Variants in PIEZO2 observed in about 807,000 individuals in gnomAD.
PIEZO2 encodes piezo-type mechanosensitive ion channel component 2.
In PIEZO2, 172 loss-of-function variants were observed where a neutral mutation model predicts 337.3. That is an observed-to-expected ratio of 0.51 (90% CI 0.45 to 0.58). The LOEUF (loss-of-function observed/expected upper bound fraction) is 0.58. Ranked by LOEUF, PIEZO2 falls within the 20% of genes least tolerant of loss-of-function variation. The pLI, the probability that PIEZO2 is intolerant of heterozygous loss-of-function variation, is 0.00. For synonymous variants in PIEZO2, 1,251 were observed against 1,228.5 expected (o/e 1.02, Z -0.38); for missense variants, 3,028 against 3,391.3 (o/e 0.89, Z 2.66).
chr18:11,007,995 T>C (rs189176630), intron 2 of PIEZO2, among the ~76,000 whole-genome samples: 52 of 152,318 alleles, frequency 3.4e-4, no homozygotes, highest in Non-Finnish European at 6.2e-4. Context: ...GGCAGAGTCC[T>C]ACTGGCTTCC....
intron 7 of PIEZO2, among the ~76,000 whole-genome samples, chr18:10,848,115 A>G (rs934157626): frequency 7.9e-5 from 12 of 152,216 alleles, no homozygotes; most frequent in African/African-American, 2.7e-4. Context: ...GCAAAAGTAC[A>G]TTCATTTCAA....
intron 4 of PIEZO2, among the ~76,000 whole-genome samples, chr18:10,896,724 C>T (rs1276760696): frequency 6.6e-6 from 1 of 152,160 alleles, no homozygotes; most frequent in Admixed American, 6.5e-5. Flanking sequence ...GAGTGACACC[C>T]TCTCAGGTCT....
chr18:11,017,290 T>C (rs969215345), intron 2 of PIEZO2, among the ~76,000 whole-genome samples: 3 of 152,204 alleles, frequency 2.0e-5, no homozygotes, highest in East Asian at 1.9e-4. Flanking sequence ...TTAATGGTAA[T>C]GTAGAAAACT....
At chr18:10,911,941 T>C (rs998929186) in intron 3 of PIEZO2, among the ~76,000 whole-genome samples, 3 of 152,194 alleles carry the variant, frequency 2.0e-5, no homozygotes, top group African/African-American at 7.2e-5. Context: ...CTGTACGTTC[T>C]AAAATTCAAC....
chr18:11,001,970 C>G lies in PIEZO2; in HGVS notation c.161-22310G>C, dbSNP rs1298187894. On this transcript the variant is annotated intron_variant, in intron 2 of 55. Transcript: ENST00000674853. This position sits in a 1 kb window ranked among gnomAD's most constrained non-coding sequence, Gnocchi z 5.3. ...GGAAGAAAAAAAGACTTGGAAGGAGCCAAAACTTGCAGCAAAGTTGGAAAT... is the reference window on the plus strand; with the variant it reads ...GGAAGAAAAAAAGACTTGGAAGGAGGCAAAACTTGCAGCAAAGTTGGAAAT... Among the ~76,000 whole-genome samples the G allele has an allele frequency of 6.8e-6, 1 of 147,152 alleles. No individual in the cohort carries two copies. Among genetic ancestry groups the G allele is most frequent in the Non-Finnish European group, 1.5e-5 (1 of 67,108 alleles).
In PIEZO2 at chr18:11,097,101, TG is replaced by T. The variant is rs1321614419; in HGVS notation, c.65-30880del. 2.0e-5 allele frequency among the ~76,000 whole-genome samples: 3 copies of T among 152,190 alleles called. No individual in the cohort carries two copies. Among genetic ancestry groups the T allele is most frequent in the Non-Finnish European group, 2.9e-5 (2 of 68,030 alleles). ...ATACAAGGCAATTTCATCCTCTCCT[TG>T]GAAATTGTCCCTGCTCCATTTTCGG... On this transcript the variant is annotated intron_variant, in intron 1 of 55. Coordinates refer to ENST00000674853, the MANE Select transcript of PIEZO2 (RefSeq NM_001378183.1). This position sits in a 1 kb window ranked among gnomAD's most constrained non-coding sequence, Gnocchi z 5.0.
chr18:10,698,673 G>A (rs1049289410), intron 44 of PIEZO2, among the ~76,000 whole-genome samples: 2 of 152,220 alleles, frequency 1.3e-5, no homozygotes, highest in African/African-American at 4.8e-5. Flanking sequence ...AAGGCAGTGT[G>A]CCGGCCATTT....
At chr18:11,046,429 G>A (rs2037317222) in intron 2 of PIEZO2, among the ~76,000 whole-genome samples, 1 of 152,220 alleles carries the variant, frequency 6.6e-6, no homozygotes, top group African/African-American at 2.4e-5. Flanking sequence ...TGTTGAATGA[G>A]CCGGGGGATA....
At chr18:10,887,169 A>C (rs2042632001) in intron 4 of PIEZO2, among the ~76,000 whole-genome samples, 1 of 145,576 alleles carries the variant, frequency 6.9e-6, no homozygotes, top group Admixed American at 7.3e-5. Flanking sequence ...TCCTGGGTTC[A>C]AGCGATCCTC....
intron 4 of PIEZO2, among the ~76,000 whole-genome samples, chr18:10,887,024 AAG>A: frequency 6.6e-6 from 1 of 150,884 alleles, no homozygotes; most frequent in African/African-American, 2.4e-5. Flanking sequence ...GAGCAGGAGC[AAG>A]AGAGACGGAG....
rs1472853056 is a variant in PIEZO2 at position 10,724,645 on chromosome 18, T to TA, written c.5030-6387dup. 5 of 747,584 alleles carry TA rather than the reference T, an allele frequency of 6.7e-6. No individual in the cohort carries two copies. In the African/African-American group the frequency reaches 7.0e-5, roughly 10 times the overall value. The allele number at this position is 747,584 out of a possible 1,614,324, so 46.3% of individuals were successfully genotyped here. On this transcript the variant is annotated intron_variant, in intron 36 of 55. Coordinates refer to ENST00000674853, the MANE Select transcript of PIEZO2 (RefSeq NM_001378183.1). The surrounding 1 kb of genome is among the most constrained non-coding windows in gnomAD (Gnocchi z 5.8). ...GGTGCTGGACTCGGGGTCTCAGGCGTATGATCAGGCACCCACCAGCCCACC... is the reference window on the plus strand; with the variant it reads ...GGTGCTGGACTCGGGGTCTCAGGCGTAATGATCAGGCACCCACCAGCCCACC...
At chr18:10,674,146 G>T (rs562666862) in intron 54 of PIEZO2, among the ~76,000 whole-genome samples, 1 of 152,282 alleles carries the variant, frequency 6.6e-6, no homozygotes, top group East Asian at 1.9e-4. Context: ...TCCTTATCAA[G>T]GAAGAAGGTG....
intron 7 of PIEZO2, among the ~76,000 whole-genome samples, chr18:10,827,766 C>G (rs1349445573): frequency 6.6e-6 from 1 of 152,218 alleles, no homozygotes; most frequent in Non-Finnish European, 1.5e-5. Flanking sequence ...GACAAGATCA[C>G]AGCCACATAT....
At chr18:10,948,076 T>C (rs1483820632) in intron 3 of PIEZO2, among the ~76,000 whole-genome samples, 1 of 152,128 alleles carries the variant, frequency 6.6e-6, no homozygotes, top group Non-Finnish European at 1.5e-5. Context: ...TTTAAACATA[T>C]CAATTATCAC....
At chr18:11,050,435 T>C (rs1158315271) in intron 2 of PIEZO2, among the ~76,000 whole-genome samples, 1 of 152,042 alleles carries the variant, frequency 6.6e-6, no homozygotes, top group East Asian at 1.9e-4. Flanking sequence ...AAATGGGGCA[T>C]CGTTTTTCTT....
intron 2 of PIEZO2, among the ~76,000 whole-genome samples, chr18:11,055,934 G>A (rs2145872474): frequency 6.6e-6 from 1 of 152,340 alleles, no homozygotes; most frequent in South Asian, 2.1e-4. Flanking sequence ...AGCTCCATCA[G>A]GGACAAAGGT....
Position 11,101,384 on chromosome 18 carries a change from G to A in PIEZO2, c.65-35162C>T, listed in dbSNP as rs181228245. 1.1e-4 allele frequency among the ~76,000 whole-genome samples: 17 copies of A among 152,320 alleles called. No homozygotes were observed. Among genetic ancestry groups the A allele is most frequent in the South Asian group, 6.2e-4 (3 of 4,822 alleles). On this transcript the variant is annotated intron_variant, in intron 1 of 55. Transcript: ENST00000674853. The surrounding 1 kb of genome is among the most constrained non-coding windows in gnomAD (Gnocchi z 4.4). ...CTCAGAGGGCCCCAGGAGCAGAAAC[G>A]GAAGTGGTTCCCTTAAAGTTATAGG...
Position 10,773,600 on chromosome 18 carries a change from T to C in PIEZO2, c.2597A>G (p.Asp866Gly). Residue 866 changes from aspartate (D) to glycine (G), a missense_variant, in exon 20 of 56, where the codon GAC (aspartate) becomes GGC (glycine). By Grantham distance (94) the Asp-to-Gly change is moderately conservative (BLOSUM62 -1). Around this residue, in one of 5 missense-constraint regions of PIEZO2, gnomAD observed 1,925 missense variants for 2,051.9 expected, o/e 0.94. Coordinates refer to ENST00000674853, the MANE Select transcript of PIEZO2 (RefSeq NM_001378183.1). The surrounding 1 kb of genome is among the most constrained non-coding windows in gnomAD (Gnocchi z 5.3). The stretch of plus-strand genomic sequence containing the variant: ...GGCAGTCAGATGCATCATGGTGAGG[T>C]CCGGGAGGCTTCCTTCCGGGTGGGC... ...ELAHPEGSLP[D>G]LTMMHLTASL... 6.5e-7 allele frequency: 1 copy of C among 1,537,214 alleles called. No individual in the cohort carries two copies. The highest frequency in any genetic ancestry group is 8.7e-7 in the Non-Finnish European group (1 of 1,146,914).
In PIEZO2 at chr18:11,097,457, G is replaced by T. The variant is rs1425622730; in HGVS notation, c.65-31235C>A. On this transcript the variant is annotated intron_variant, in intron 1 of 55. Transcript: ENST00000674853. This position sits in a 1 kb window ranked among gnomAD's most constrained non-coding sequence, Gnocchi z 5.0. ...AAGTTTGCTGGTCACAGATGTAGAA[G>T]GATTGAGTCCAGAGTTTACTACAGA... Among the ~76,000 whole-genome samples the T allele has an allele frequency of 6.6e-6, 1 of 152,190 alleles. No individual in the cohort carries two copies. The highest frequency in any genetic ancestry group is 6.5e-5 in the Admixed American group (1 of 15,278).
Sources: gnomAD v4.1 joint callset for allele counts (sites outside exome capture counted in the v4.1 genomes callset) on GRCh38, gnomAD v4.1.1 for gene constraint, gnomAD v4.1.1 regional missense constraint, Gnocchi (gnomAD v3.1) non-coding constraint, MANE v1.5 for transcripts, NCBI Gene and HGNC (gene_info 2026-07-23, HGNC 2026-07-21) for gene names.